CEP170: variants seen among roughly 807,000 people sequenced by gnomAD.
The protein encoded by CEP170 is centrosomal protein 170.
A neutral mutation model predicts 151.9 loss-of-function variants in CEP170; 21 were observed. That is an observed-to-expected ratio of 0.14 (90% confidence interval 0.10 to 0.20). CEP170 has a LOEUF of 0.20. Among genes scored for constraint, CEP170 ranks in the 10% least tolerant of loss-of-function variants. CEP170 has a pLI of 1.00. For synonymous variants in CEP170, 356 were observed against 648.8 expected (o/e 0.55, Z 6.86); for missense variants, 964 against 1,892.9 (o/e 0.51, Z 9.11).
Position 243,186,308 on chromosome 1 carries a change from T to C in CEP170, c.1223A>G (p.Lys408Arg), listed in dbSNP as rs759903753. The change falls in exon 9 of 20, where the codon AAA becomes AGA. Residue 408 changes from lysine to arginine, a missense_variant. Physicochemically the swap from Lys to Arg is conservative, Grantham distance 26. Transcript: ENST00000366542. ...AGTAGCCTGGACCTTCTGTAGCTTT[T>C]TGTGTTCTGAATGGTGGCGTCTTAA... ...EHLRRHHSEH[K>R]KLQKVQATEK... The C allele has an allele frequency of 1.2e-6, 2 of 1,613,798 alleles. No individual in the cohort carries two copies. Among genetic ancestry groups the C allele is most frequent in the Non-Finnish European group, 1.7e-6 (2 of 1,179,706 alleles).
intron 1 of CEP170, among the ~76,000 whole-genome samples, chr1:243,246,521 T>G (rs1159758036): frequency 6.6e-6 from 1 of 152,124 alleles, no homozygotes. Context: ...CATGAGCCAC[T>G]GGGCCCGGCC....
Position 243,142,209 on chromosome 1 carries a change from C to A in CEP170, c.4059+107G>T, listed in dbSNP as rs1572201386. The A allele has an allele frequency of 8.9e-6, 14 of 1,574,924 alleles. No individual in the cohort carries two copies. The East Asian group carries it at 3.2e-4, about 36-fold the overall frequency. On this transcript the variant is annotated intron_variant, in intron 15 of 19. Coordinates refer to ENST00000366542, the MANE Select transcript of CEP170 (RefSeq NM_014812.3). Reference sequence around the variant, plus strand: ...AAGTTGGAAAATGCAGAGCTTCATGCAAACAGGGAGGGTGGACATAACTGA... The same window carrying A: ...AAGTTGGAAAATGCAGAGCTTCATGAAAACAGGGAGGGTGGACATAACTGA...
At chr1:243,236,727 A>T (rs1394388348) in intron 1 of CEP170, among the ~76,000 whole-genome samples, 1 of 152,198 alleles carries the variant, frequency 6.6e-6, no homozygotes, top group Non-Finnish European at 1.5e-5. Flanking sequence ...ATCATAGAGC[A>T]CTAGGAGCAG....
At chr1:243,130,214 A>G (rs1046356660) in intron 17 of CEP170, among the ~76,000 whole-genome samples, 1 of 152,168 alleles carries the variant, frequency 6.6e-6, no homozygotes, top group Non-Finnish European at 1.5e-5. Context: ...GGTATAAACA[A>G]TTGTGTCTGT....
intron 14 of CEP170, among the ~76,000 whole-genome samples, chr1:243,143,168 A>G (rs551687104): frequency 4.6e-5 from 7 of 152,190 alleles, no homozygotes; most frequent in Admixed American, 3.9e-4. Flanking sequence ...AGCTTCACAA[A>G]ATGGGCAAAG....
chr1:243,203,288 T>TA (rs1397284953), intron 4 of CEP170, among the ~76,000 whole-genome samples: 2 of 152,208 alleles, frequency 1.3e-5, no homozygotes, highest in African/African-American at 4.8e-5. Flanking sequence ...TCTTGCTTAT[T>TA]AAAAAATCAT....
chr1:243,180,170 G>T (rs1324021467), intron 10 of CEP170, among the ~76,000 whole-genome samples: 1 of 152,098 alleles, frequency 6.6e-6, no homozygotes, highest in Non-Finnish European at 1.5e-5. Flanking sequence ...GAGAAGCTAG[G>T]CATGCCAAAA....
chr1:243,202,126 G>T (rs1387144665), intron 4 of CEP170, among the ~76,000 whole-genome samples: 1 of 152,126 alleles, frequency 6.6e-6, no homozygotes. Context: ...CCATAAAAAA[G>T]AATGAAATAG....
chr1:243,204,739 T>A (rs2061298022), intron 4 of CEP170, among the ~76,000 whole-genome samples: 1 of 152,174 alleles, frequency 6.6e-6, no homozygotes, highest in Non-Finnish European at 1.5e-5. Context: ...CCCTTAATGA[T>A]CTCATTCAGT....
At chr1:243,128,572 ATTT>A in intron 18 of CEP170, 1 of 284,720 alleles carries the variant, frequency 3.5e-6, no homozygotes, top group Non-Finnish European at 6.4e-6. Flanking sequence ...TTAAGCAAAG[ATTT>A]TTTTTTTTTG....
At chr1:243,226,407 T>G (rs1256846597) in intron 1 of CEP170, among the ~76,000 whole-genome samples, 1 of 151,814 alleles carries the variant, frequency 6.6e-6, no homozygotes, top group Non-Finnish European at 1.5e-5. Flanking sequence ...TTTTACATTT[T>G]GCAAATCTCT....
At chr1:243,200,435 A>G (rs1240329053) in intron 6 of CEP170, 83 bp downstream of exon 6, 1 of 1,589,940 alleles carries the variant, frequency 6.3e-7, no homozygotes, top group African/African-American at 1.3e-5. Context: ...TTTTATATGG[A>G]CATAGCCAAC....
intron 19 of CEP170, among the ~76,000 whole-genome samples, chr1:243,127,848 T>A (rs1487458715): frequency 6.6e-6 from 1 of 152,192 alleles, no homozygotes; most frequent in Admixed American, 6.5e-5. Context: ...ACAACTATTA[T>A]TTCTATTAGA....
At position 243,134,514 on chromosome 1, in the gene CEP170, TTGA is replaced by T. The variant is rs1363489301; in HGVS notation, c.4319+1626_4319+1628del. 1.7e-3 allele frequency among the ~76,000 whole-genome samples: 259 copies of T among 152,268 alleles called. 2 individuals are homozygous for T. Among genetic ancestry groups the T allele is most frequent in the Non-Finnish European group, 1.7e-3 (119 of 68,008 alleles). ...GTTTTAAACATTCTATTGCTGTTTT[TTGA>T]GATAGGATCTTGCTCTGTTGCCCAG... On this transcript the variant is annotated intron_variant, in intron 17 of 19. Coordinates refer to ENST00000366542, the MANE Select transcript of CEP170 (RefSeq NM_014812.3).
At chr1:243,245,416 T>C (rs532439309) in intron 1 of CEP170, among the ~76,000 whole-genome samples, 1 of 151,742 alleles carries the variant, frequency 6.6e-6, no homozygotes, top group East Asian at 1.9e-4. Context: ...CTTGTCTCTA[T>C]AAAAAAATAA....
intron 14 of CEP170, among the ~76,000 whole-genome samples, chr1:243,145,099 T>C (rs1434821975): frequency 2.0e-5 from 3 of 152,180 alleles, no homozygotes; most frequent in Non-Finnish European, 4.4e-5. Context: ...CATTTGGGTA[T>C]ATTGGAAGAT....
intron 10 of CEP170, among the ~76,000 whole-genome samples, chr1:243,173,604 C>T (rs1176911126): frequency 1.3e-5 from 2 of 151,500 alleles, no homozygotes; most frequent in Admixed American, 6.6e-5. Flanking sequence ...GGCATGGTGC[C>T]ATGTGCCTAT....
At chr1:243,238,496 A>C (rs2064477014) in intron 1 of CEP170, among the ~76,000 whole-genome samples, 1 of 152,182 alleles carries the variant, frequency 6.6e-6, no homozygotes, top group Non-Finnish European at 1.5e-5. Flanking sequence ...CATTTAGAGA[A>C]GAGCTTCTGC....
intron 7 of CEP170, among the ~76,000 whole-genome samples, chr1:243,195,307 C>A (rs2060572643): frequency 6.6e-6 from 1 of 151,880 alleles, no homozygotes; most frequent in African/African-American, 2.4e-5. Flanking sequence ...TAATTATAAC[C>A]TAAATTAATT....
Sources: gnomAD v4.1 joint callset for allele counts (sites outside exome capture counted in the v4.1 genomes callset) on GRCh38, gnomAD v4.1.1 for gene constraint, MANE v1.5 for transcripts, NCBI Gene and HGNC (gene_info 2026-07-23, HGNC 2026-07-21) for gene names.